PTPRG: variants seen among roughly 807,000 people sequenced by gnomAD.
The protein encoded by PTPRG is receptor-type tyrosine-protein phosphatase gamma.
PTPRG carries 102 observed loss-of-function variants against 165.3 expected under a neutral mutation model. The ratio of observed to expected loss-of-function variants is 0.62; its 90% CI spans 0.53 to 0.73. The LOEUF (loss-of-function observed/expected upper bound fraction) is 0.73, where lower values mean the gene tolerates loss of function less well. Among genes scored for constraint, PTPRG ranks in the 30% least tolerant of loss-of-function variants. PTPRG has a pLI of 0.00. For synonymous variants in PTPRG, 675 were observed against 669.5 expected (o/e 1.01, Z -0.13); for missense variants, 1,866 against 1,861.4 (o/e 1.00, Z -0.05).
chr3:62,175,015 G>T (rs1350124161), intron 8 of PTPRG, among the ~76,000 whole-genome samples: 2 of 152,064 alleles, frequency 1.3e-5, no homozygotes, highest in Non-Finnish European at 2.9e-5. Flanking sequence ...AAACAGGTCT[G>T]TTTCAAGACC....
intron 1 of PTPRG, among the ~76,000 whole-genome samples, chr3:61,645,946 G>T (rs1204807455): frequency 6.6e-6 from 1 of 152,090 alleles, no homozygotes; most frequent in East Asian, 1.9e-4. Context: ...TGCCACTAGG[G>T]TATTCATTCC....
At chr3:61,995,080 C>CTTTTTTTTTTTTTTTTTTT (rs1233679653) in intron 3 of PTPRG, among the ~76,000 whole-genome samples, 9 of 107,394 alleles carry the variant, frequency 8.4e-5, no homozygotes, top group African/African-American at 2.5e-4. Flanking sequence ...TCTTTTCTTT[C>CTTTTTTTTTTTTTTTTTTT]TTTCTTTTTT....
At chr3:61,788,730 GAGTTGTATA>G (rs2034785728) in intron 2 of PTPRG, among the ~76,000 whole-genome samples, 1 of 152,216 alleles carries the variant, frequency 6.6e-6, no homozygotes, top group Non-Finnish European at 1.5e-5. Context: ...TTGGCTTTGT[GAGTTGTATA>G]GTTTTCGTTG....
intron 1 of PTPRG, among the ~76,000 whole-genome samples, chr3:61,706,515 T>A (rs2031266675): frequency 6.6e-6 from 1 of 150,394 alleles, no homozygotes; most frequent in Admixed American, 6.7e-5. Flanking sequence ...TTTTTCGAGA[T>A]GAAGTCTCGC....
At chr3:61,789,979 C>T (rs554560179) in intron 2 of PTPRG, among the ~76,000 whole-genome samples, 11 of 152,330 alleles carry the variant, frequency 7.2e-5, no homozygotes, top group Middle Eastern at 3.4e-3. Context: ...GCTTCATTTT[C>T]AGCAGCTGTT....
chr3:61,943,696 G>A (rs149169093), intron 2 of PTPRG, among the ~76,000 whole-genome samples: 1 of 152,324 alleles, frequency 6.6e-6, no homozygotes, highest in African/African-American at 2.4e-5. Flanking sequence ...ATGATTTACT[G>A]TCACCATCAT....
intron 2 of PTPRG, among the ~76,000 whole-genome samples, chr3:61,816,268 A>G (rs1200374241): frequency 6.6e-6 from 1 of 152,198 alleles, no homozygotes; most frequent in Non-Finnish European, 1.5e-5. Flanking sequence ...GGTGGCTCAC[A>G]CCCATAATCC....
chr3:62,107,221 A>G (rs1330975532), intron 5 of PTPRG, among the ~76,000 whole-genome samples: 1 of 152,238 alleles, frequency 6.6e-6, no homozygotes, highest in Non-Finnish European at 1.5e-5. Flanking sequence ...TCGTAGTTAC[A>G]TCATGGGAGC....
At chr3:61,807,903 A>C (rs2035463167) in intron 2 of PTPRG, among the ~76,000 whole-genome samples, 1 of 152,196 alleles carries the variant, frequency 6.6e-6, no homozygotes, top group Non-Finnish European at 1.5e-5. Context: ...GATCTTCTGC[A>C]GAGCTAGGAG....
intron 1 of PTPRG, among the ~76,000 whole-genome samples, chr3:61,705,573 A>G (rs1287048613): frequency 6.6e-6 from 1 of 152,166 alleles, no homozygotes; most frequent in African/African-American, 2.4e-5. Flanking sequence ...TTTGTCACCA[A>G]AGGAGTAGGA....
chr3:61,590,135 T>C (rs547892222), intron 1 of PTPRG, among the ~76,000 whole-genome samples: 1 of 151,930 alleles, frequency 6.6e-6, no homozygotes, highest in South Asian at 2.1e-4. Flanking sequence ...CATCATCTTC[T>C]ATTTCAGAAT....
At chr3:62,282,419 C>T (rs116209355) in intron 27 of PTPRG, among the ~76,000 whole-genome samples, 1 of 149,416 alleles carries the variant, frequency 6.7e-6, no homozygotes, top group East Asian at 1.9e-4. Context: ...TTTTTAGAGA[C>T]AGATCTCCCT....
At chr3:61,826,938 C>G (rs2036130601) in intron 2 of PTPRG, among the ~76,000 whole-genome samples, 1 of 150,882 alleles carries the variant, frequency 6.6e-6, no homozygotes, top group Non-Finnish European at 1.5e-5. Flanking sequence ...ATTTTTAGCT[C>G]TCCATCTCCA....
At chr3:61,938,526 G>A (rs761477309) in intron 2 of PTPRG, among the ~76,000 whole-genome samples, 41 of 152,234 alleles carry the variant, frequency 2.7e-4, no homozygotes, top group Non-Finnish European at 4.0e-4. Flanking sequence ...AATTGATTTT[G>A]CGTTCAGCCC....
chr3:61,856,223 T>G (rs1003057088), intron 2 of PTPRG, among the ~76,000 whole-genome samples: 4 of 152,094 alleles, frequency 2.6e-5, no homozygotes, highest in Non-Finnish European at 4.4e-5. Flanking sequence ...CGCAGTGTGA[T>G]GCACCCATCA....
At chr3:62,125,215 C>T (rs1023714377) in intron 5 of PTPRG, among the ~76,000 whole-genome samples, 1 of 152,156 alleles carries the variant, frequency 6.6e-6, no homozygotes, top group Non-Finnish European at 1.5e-5. Flanking sequence ...GTTCCTAATA[C>T]TGCAAAATGA....
At chr3:62,274,412 T>G (rs1702168097) in intron 23 of PTPRG, among the ~76,000 whole-genome samples, 1 of 152,126 alleles carries the variant, frequency 6.6e-6, no homozygotes, top group African/African-American at 2.4e-5. Flanking sequence ...AAAGAGAGAT[T>G]ATAAGGACTA....
At chr3:61,631,658 C>A (rs756414202) in intron 1 of PTPRG, among the ~76,000 whole-genome samples, 38 of 152,080 alleles carry the variant, frequency 2.5e-4, no homozygotes, top group Non-Finnish European at 4.7e-4. Context: ...TATAAAAATC[C>A]ATGTTGCCAA....
chr3:62,149,840 A>C (rs192480645), intron 6 of PTPRG, among the ~76,000 whole-genome samples: 6 of 152,262 alleles, frequency 3.9e-5, no homozygotes, highest in Non-Finnish European at 8.8e-5. Context: ...TATCAATTGT[A>C]CTTACCCAAA....
Sources: allele counts gnomAD v4.1 joint callset (sites outside exome capture counted in the v4.1 genomes callset), GRCh38; gene constraint gnomAD v4.1.1; transcripts MANE v1.5; gene names NCBI Gene and HGNC (gene_info 2026-07-23, HGNC 2026-07-21).